The following TUSC3 variants were observed in gnomAD, a reference collection of about 807,000 sequenced individuals.
The protein encoded by TUSC3 is dolichyl-diphosphooligosaccharide--protein glycosyltransferase subunit TUSC3.
In TUSC3, 45 loss-of-function variants were observed where a neutral mutation model predicts 44.8. The observed-to-expected ratio is 1.00, with a 90% CI of 0.79 to 1.29. TUSC3 has a LOEUF of 1.29. Ranked by LOEUF, TUSC3 falls within the 50% of genes most tolerant of loss-of-function variation. TUSC3 has a pLI of 0.00. For synonymous variants in TUSC3, 212 were observed against 152.9 expected, an observed-to-expected ratio of 1.39 and a Z score of -2.85; for missense variants, 519 against 437.9, an observed-to-expected ratio of 1.19 and a Z score of -1.65.
At position 15,435,056 on chromosome 8, in the gene TUSC3, T is replaced by C. The variant is rs1038935267; in HGVS notation, n.91+17751T>C. On this transcript the variant is annotated intron_variant and non_coding_transcript_variant, in intron 1 of 5. Transcript: ENST00000503191. ...AATCCTTTGGGTATATACCCAGTAATGGGATGGCTGGGTCAAATGGTATTT... is the reference window on the plus strand; with the variant it reads ...AATCCTTTGGGTATATACCCAGTAACGGGATGGCTGGGTCAAATGGTATTT... Among the ~76,000 whole-genome samples, 14 of 148,526 alleles carry C rather than the reference T, an allele frequency of 9.4e-5. 1 individual carries two copies. The highest frequency in any genetic ancestry group is 1.5e-4 in the Non-Finnish European group (10 of 67,920).
intron 1 of TUSC3, among the ~76,000 whole-genome samples, chr8:15,595,548 CTG>C (rs1207634560): frequency 2.6e-5 from 4 of 152,120 alleles, no homozygotes; most frequent in African/African-American, 9.7e-5. Context: ...GTCCTGAAAA[CTG>C]TTACATATGT....
the TUSC3 span, among the ~76,000 whole-genome samples, chr8:15,811,855 AT>A: frequency 6.6e-6 from 1 of 152,204 alleles, no homozygotes; most frequent in African/African-American, 2.4e-5. Context: ...AAAAGCCTGT[AT>A]AAAATAGCCG....
chr8:15,463,511 T>G (rs1386633795), intron 1 of TUSC3, among the ~76,000 whole-genome samples: 1 of 152,160 alleles, frequency 6.6e-6, no homozygotes, highest in African/African-American at 2.4e-5. Context: ...TCATTTTATG[T>G]GCTCTTAATG....
intron 1 of TUSC3, among the ~76,000 whole-genome samples, chr8:15,480,466 G>C (rs571811985): frequency 6.6e-6 from 1 of 152,160 alleles, no homozygotes; most frequent in Non-Finnish European, 1.5e-5. Flanking sequence ...TTTCTCACAG[G>C]CCAGAAGTCC....
intron 2 of TUSC3, among the ~76,000 whole-genome samples, chr8:15,644,122 A>G (rs180745285): frequency 0.015 from 2,225 of 152,334 alleles, 42 homozygotes; most frequent in South Asian, 0.058. Flanking sequence ...TTAGTTTTAC[A>G]TAACCTTTTA....
At chr8:15,508,364 C>G (rs1033370305) in intron 2 of TUSC3, among the ~76,000 whole-genome samples, 11 of 149,946 alleles carry the variant, frequency 7.3e-5, no homozygotes, top group African/African-American at 2.7e-4. Context: ...AAATGAATGA[C>G]AAGATCTCAG....
At chr8:15,741,603 C>T (rs1811200312) in intron 7 of TUSC3, among the ~76,000 whole-genome samples, 1 of 151,970 alleles carries the variant, frequency 6.6e-6, no homozygotes, top group Admixed American at 6.6e-5. Context: ...ATGAGAACCG[C>T]TTGAACCTGG....
At chr8:15,434,208 AATC>A in intron 1 of TUSC3, among the ~76,000 whole-genome samples, 1 of 152,048 alleles carries the variant, frequency 6.6e-6, no homozygotes, top group Non-Finnish European at 1.5e-5. Flanking sequence ...AATTAATAAT[AATC>A]ATTTTATGTA....
At chr8:15,646,366 T>C (rs1806630765) in intron 2 of TUSC3, among the ~76,000 whole-genome samples, 2 of 152,116 alleles carry the variant, frequency 1.3e-5, no homozygotes. Flanking sequence ...CTTCCCATTA[T>C]CTTCATTATG....
intron 2 of TUSC3, among the ~76,000 whole-genome samples, chr8:15,535,199 G>A (rs192990618): frequency 3.2e-4 from 49 of 152,288 alleles, no homozygotes; most frequent in Non-Finnish European, 5.3e-4. Flanking sequence ...ATTAATTCTT[G>A]TAAAACCATT....
chr8:15,661,202 A>G (rs918743603), intron 4 of TUSC3, among the ~76,000 whole-genome samples: 6 of 152,022 alleles, frequency 3.9e-5, no homozygotes, highest in Non-Finnish European at 7.4e-5. Flanking sequence ...TTACATTTAC[A>G]TAATACTTTT....
intron 2 of TUSC3, among the ~76,000 whole-genome samples, chr8:15,633,957 A>G (rs1805943070): frequency 6.6e-6 from 1 of 152,132 alleles, no homozygotes; most frequent in African/African-American, 2.4e-5. Flanking sequence ...GCATAAACAC[A>G]AGTCAAATAT....
intron 2 of TUSC3, among the ~76,000 whole-genome samples, chr8:15,501,033 C>A (rs945265223): frequency 6.6e-5 from 10 of 152,044 alleles, no homozygotes; most frequent in African/African-American, 2.2e-4. Context: ...TGTATTCTTG[C>A]TATCTTCCTT....
At chr8:15,690,882 A>G (rs906166711) in intron 6 of TUSC3, among the ~76,000 whole-genome samples, 3 of 151,690 alleles carry the variant, frequency 2.0e-5, no homozygotes, top group Non-Finnish European at 2.9e-5. Flanking sequence ...TACCGGTACA[A>G]TGGTGTTGTG....
chr8:15,751,572 A>G (rs894017959), intron 9 of TUSC3, among the ~76,000 whole-genome samples: 1 of 152,138 alleles, frequency 6.6e-6, no homozygotes, highest in Non-Finnish European at 1.5e-5. Flanking sequence ...TTTAAGTAGA[A>G]CTTTGAAGCC....
At chr8:15,443,387 TG>T (rs1800047466) in intron 1 of TUSC3, among the ~76,000 whole-genome samples, 3 of 147,568 alleles carry the variant, frequency 2.0e-5, no homozygotes, top group Admixed American at 1.4e-4. Context: ...TGTGTAAAGA[TG>T]GGGTTTCACC....
intron 2 of TUSC3, among the ~76,000 whole-genome samples, chr8:15,525,619 G>C (rs1801362861): frequency 6.6e-6 from 1 of 152,152 alleles, no homozygotes; most frequent in Admixed American, 6.5e-5. Flanking sequence ...TGCTGTAGTA[G>C]ATCACTCATT....
the TUSC3 span, among the ~76,000 whole-genome samples, chr8:15,823,032 C>CTTTTG: frequency 1.3e-5 from 2 of 151,884 alleles, no homozygotes; most frequent in Non-Finnish European, 2.9e-5. Context: ...TTTTTCTTTT[C>CTTTTG]TAAAGGAAGA....
chr8:15,825,669 G>A, the TUSC3 span, among the ~76,000 whole-genome samples: 5 of 152,116 alleles, frequency 3.3e-5, no homozygotes, highest in African/African-American at 1.2e-4. Flanking sequence ...GAGGAAAACA[G>A]AACATACATA....
Sources: allele counts gnomAD v4.1 joint callset (sites outside exome capture counted in the v4.1 genomes callset), GRCh38; gene constraint gnomAD v4.1.1; transcripts MANE v1.5; gene names NCBI Gene and HGNC (gene_info 2026-07-23, HGNC 2026-07-21).